The following IKBKE variants were observed in gnomAD, a reference collection of about 807,000 sequenced individuals.
IKBKE encodes inhibitor of nuclear factor kappa B kinase subunit epsilon.
IKBKE carries 45 observed loss-of-function variants against 92.1 expected under a neutral mutation model. The observed-to-expected ratio is 0.49, with a 90% CI of 0.38 to 0.63. The LOEUF is 0.63. Among genes scored for constraint, IKBKE ranks in the 20% least tolerant of loss-of-function variants. IKBKE has a pLI of 0.00. For synonymous variants in IKBKE, 374 were observed against 380.3 expected (o/e 0.98, Z 0.19); for missense variants, 700 against 932.8 (o/e 0.75, Z 3.25).
At position 206,487,190 on chromosome 1, in the gene IKBKE, T is replaced by C. The variant is rs936550185; in HGVS notation, c.1617-724T>C. On this transcript the variant is annotated intron_variant, in intron 15 of 21. Coordinates refer to ENST00000581977, the MANE Select transcript of IKBKE (RefSeq NM_014002.4). The surrounding 1 kb of genome is among the most constrained non-coding windows in gnomAD (Gnocchi z 5.3). Reference sequence around the variant, plus strand: ...ACTTGGAGGTGCTGCAGGGAGGAAGTGGAGCTACATAGGCCTGTGGGTGAG... The same window carrying C: ...ACTTGGAGGTGCTGCAGGGAGGAAGCGGAGCTACATAGGCCTGTGGGTGAG... 2.0e-5 allele frequency among the ~76,000 whole-genome samples: 3 copies of C among 152,124 alleles called. No homozygotes were observed. Among genetic ancestry groups the C allele is most frequent in the Non-Finnish European group, 2.9e-5 (2 of 68,016 alleles).
intron 1 of IKBKE, among the ~76,000 whole-genome samples, 168 bp from the exon 2 acceptor site, chr1:206,470,988 G>C (rs745795458): frequency 1.5e-4 from 23 of 152,338 alleles, no homozygotes; most frequent in Admixed American, 3.9e-4. Context: ...GCTGGGAAAG[G>C]CTCCCTGAAC....
In IKBKE at chr1:206,480,526, A is replaced by G; in HGVS notation, c.1420A>G (p.Thr474Ala). The stretch of plus-strand genomic sequence containing the variant: ...CCTCTACCTCAGCAGCAGCCTGGGA[A>G]CTGAGAGGTGGGTGTTCGCCTCAGG... Reference protein sequence around the residue: ...SLLYLSSSLGTERFSSVAGTP... With the variant: ...SLLYLSSSLGAERFSSVAGTP... Residue 474 changes from threonine to alanine, a missense_variant, in exon 13 of 22, where the codon ACT (threonine) becomes GCT (alanine). Physicochemically the swap from Thr to Ala is moderately conservative, Grantham distance 58. Coordinates refer to ENST00000581977, the MANE Select transcript of IKBKE (RefSeq NM_014002.4). 2 of 1,612,838 alleles carry G rather than the reference A, an allele frequency of 1.2e-6. No individual in the cohort carries two copies. Among genetic ancestry groups the G allele is most frequent in the Non-Finnish European group, 8.5e-7 (1 of 1,179,234 alleles).
intron 16 of IKBKE, among the ~76,000 whole-genome samples, chr1:206,488,783 T>C (rs1277372275): frequency 1.3e-5 from 2 of 152,144 alleles, no homozygotes; most frequent in East Asian, 1.9e-4. Flanking sequence ...CACTGTCCAA[T>C]AGAAATATAA....
rs2103463376 is a variant in IKBKE, at chr1:206,480,132, T to G, written c.1340+19T>G. ...GGGTCATGTGAGTAATCATGAGGGC[T>G]GGGCACAGAGGGGGAGGCGGGCAGG... On this transcript the variant is annotated intron_variant, in intron 12 of 21. Transcript: ENST00000581977. 6.9e-7 allele frequency: 1 copy of G among 1,439,600 alleles called. No homozygotes were observed. The highest frequency in any genetic ancestry group is 9.2e-7 in the Non-Finnish European group (1 of 1,084,764). 89.2% of individuals were successfully genotyped at this position (1,439,600 alleles called of 1,614,324 possible).
chr1:206,479,922 C>T lies in IKBKE; in HGVS notation c.1236C>T (p.Tyr412=), dbSNP rs1553386537. The change falls in exon 11 of 22, where the codon TAC becomes TAT. Residue 412 remains tyrosine (Y), a synonymous_variant. Coordinates refer to ENST00000581977, the MANE Select transcript of IKBKE (RefSeq NM_014002.4). ...CCAAAGTGGACCTGCAGGCGGATTACAACACTGCCAAGGTGAGGGGCAACC... is the reference window on the plus strand; with the variant it reads ...CCAAAGTGGACCTGCAGGCGGATTATAACACTGCCAAGGTGAGGGGCAACC... The part of the protein sequence containing the change: ...FVPKVDLQAD[Y]NTAKGVLGAG... 2 of 1,613,712 alleles carry T rather than the reference C, an allele frequency of 1.2e-6. No homozygotes were observed. The highest frequency in any genetic ancestry group is 1.7e-5 in the Admixed American group (1 of 59,958).
chr1:206,479,179 C>T, intron 10 of IKBKE, 46 bp downstream of exon 10: 1 of 1,473,340 alleles, frequency 6.8e-7, no homozygotes, highest in South Asian at 1.3e-5. Flanking sequence ...CCCACATTTT[C>T]CTCTGAGACA....
chr1:206,488,912 G>A lies in IKBKE; in HGVS notation c.1693+922G>A, dbSNP rs140990773. On this transcript the variant is annotated intron_variant, in intron 16 of 21. Coordinates refer to ENST00000581977, the MANE Select transcript of IKBKE (RefSeq NM_014002.4). ...CCAATATATCCAGTGTCATTTTAGC[G>A]TGTAATCAATATAAACAAAATCACT... is the stretch of plus-strand genomic sequence containing the variant. Among the ~76,000 whole-genome samples the A allele has an allele frequency of 4.6e-4, 70 of 152,136 alleles. No individual in the cohort carries two copies. In the East Asian group the frequency reaches 6.4e-3, roughly 14 times the overall value.
chr1:206,492,370 T>A (rs1175588098), intron 18 of IKBKE: 1 of 448,632 alleles, frequency 2.2e-6, no homozygotes, highest in Non-Finnish European at 4.7e-6. Context: ...GCTACCACAT[T>A]CTGAGGCCTG....
chr1:206,475,206 G>A (rs1447129814), intron 5 of IKBKE: 2 of 547,878 alleles, frequency 3.7e-6, no homozygotes, highest in Non-Finnish European at 6.3e-6. Flanking sequence ...AAAACAAAAT[G>A]TGGGAGGTAC....
At position 206,493,309 on chromosome 1, in the gene IKBKE, A is replaced by G. The variant is rs781927351; in HGVS notation, c.1976A>G (p.Lys659Arg). The G allele has an allele frequency of 1.9e-6, 3 of 1,614,052 alleles. No individual in the cohort carries two copies. The highest frequency in any genetic ancestry group is 2.5e-6 in the Non-Finnish European group (3 of 1,180,008). Residue 659 changes from lysine (K) to arginine (R), a missense_variant, in exon 20 of 22, where the codon AAG becomes AGG. Coordinates refer to ENST00000581977, the MANE Select transcript of IKBKE (RefSeq NM_014002.4). ...CACCAGCTCCTTCAGGACCGAGCAA[A>G]GGGGGCTCAGGCCTCGCCGCCTCCC... ...LSHQLLQDRA[K>R]GAQASPPPIA... is the part of the protein sequence containing the mutation.
At position 206,474,895 on chromosome 1, in the gene IKBKE, G is replaced by A; in HGVS notation, c.259G>A (p.Glu87Lys). Residue 87 changes from glutamate (E) to lysine (K), a missense_variant, in exon 5 of 22, where the codon GAG (glutamate) becomes AAG (lysine). Glu to Lys is a moderately conservative substitution (Grantham distance 56). Coordinates refer to ENST00000581977, the MANE Select transcript of IKBKE (RefSeq NM_014002.4). ...AAGCCGGCAGAAGGTACTGGTGATGGAGTACTGCTCCAGTGGGAGCCTGCT... is the reference window on the plus strand; with the variant it reads ...AAGCCGGCAGAAGGTACTGGTGATGAAGTACTGCTCCAGTGGGAGCCTGCT... ...GGSRQKVLVM[E>K]YCSSGSLLSV... The A allele has an allele frequency of 6.2e-7, 1 of 1,614,104 alleles. No homozygotes were observed. The highest frequency in any genetic ancestry group is 8.5e-7 in the Non-Finnish European group (1 of 1,180,016).
rs532156802 is a variant in IKBKE at position 206,479,549 on chromosome 1, A to C, written c.1184-321A>C. ...TCTAGCAAAAATGTCCTTTCTTCTC[A>C]CTTGAACAGTGCAAGTTTTATCCTC... On this transcript the variant is annotated intron_variant, in intron 10 of 21. Coordinates refer to ENST00000581977, the MANE Select transcript of IKBKE (RefSeq NM_014002.4). Among the ~76,000 whole-genome samples, 3 of 152,314 alleles carry C rather than the reference A, an allele frequency of 2.0e-5. No homozygotes were observed. In the East Asian group the frequency reaches 5.8e-4, roughly 29 times the overall value.
intron 15 of IKBKE, among the ~76,000 whole-genome samples, chr1:206,486,975 C>T (rs541782320): frequency 6.6e-6 from 1 of 151,186 alleles, no homozygotes; most frequent in African/African-American, 2.4e-5. Flanking sequence ...TGAGCCCTGT[C>T]CTTTTGGATG....
chr1:206,483,664 A>T (rs1665511606), intron 13 of IKBKE, among the ~76,000 whole-genome samples: 1 of 152,254 alleles, frequency 6.6e-6, no homozygotes, highest in South Asian at 2.1e-4. Context: ...TAGAAAACAG[A>T]GATAAGCAAA....
rs1014937719 is a variant in IKBKE, at chr1:206,477,601, G to A, written c.702-148G>A. On this transcript the variant is annotated intron_variant, in intron 7 of 21. Transcript: ENST00000581977. ...TGAGGCAAGGCGCTCTCACAGCTGA[G>A]AGCCAGGTTTCTCACACTCCATCTG... 2.1e-5 allele frequency: 13 copies of A among 606,084 alleles called. No homozygotes were observed. In the Admixed American group the frequency reaches 3.9e-4, roughly 18 times the overall value. 37.5% of individuals were successfully genotyped at this position (606,084 alleles called of 1,614,324 possible). A position where few individuals can be genotyped will look rare whatever the true frequency, so the allele number is the denominator to read the frequency against.
At position 206,476,591 on chromosome 1, in the gene IKBKE, C is replaced by T. The variant is rs1665075968; in HGVS notation, c.541-87C>T. 6.7e-7 allele frequency: 1 copy of T among 1,492,170 alleles called. No individual in the cohort carries two copies. 92.4% of individuals were successfully genotyped at this position (1,492,170 alleles called of 1,614,324 possible). ...AAGGATTTGAACAGTTCTGTTTTCACCTGCAGGCGGTGAAAGGGGGTCTGA... is the reference window on the plus strand; with the variant it reads ...AAGGATTTGAACAGTTCTGTTTTCATCTGCAGGCGGTGAAAGGGGGTCTGA... On this transcript the variant is annotated intron_variant, in intron 6 of 21. Transcript: ENST00000581977. This position sits in a 1 kb window ranked among gnomAD's most constrained non-coding sequence, Gnocchi z 5.1.
Position 206,493,940 on chromosome 1 carries a change from G to C in IKBKE, c.2066G>C (p.Gly689Ala), listed in dbSNP as rs1666086434. Reference protein sequence around the residue: ...LLLHMQELCEGMKLLASDLLD... With the variant: ...LLLHMQELCEAMKLLASDLLD... ...GGCAGCATGCAAGAGCTCTGCGAGG[G>C]GATGAAGCTGCTGGCATCTGACCTC... is the stretch of plus-strand genomic sequence containing the variant. Residue 689 changes from glycine to alanine, a missense_variant, in exon 21 of 22, where the codon GGG becomes GCG. Gly to Ala is a moderately conservative substitution (Grantham distance 60). Coordinates refer to ENST00000581977, the MANE Select transcript of IKBKE (RefSeq NM_014002.4). 1 of 1,613,988 alleles carries C rather than the reference G, an allele frequency of 6.2e-7. No homozygotes were observed. The highest frequency in any genetic ancestry group is 1.7e-5 in the Admixed American group (1 of 60,012).
intron 21 of IKBKE, 33 bp from the exon 22 acceptor site, chr1:206,496,079 G>C (rs781841041): frequency 6.2e-7 from 1 of 1,601,784 alleles, no homozygotes; most frequent in South Asian, 1.1e-5. Context: ...TCTCCAACAG[G>C]TGGGCACTGC....
At chr1:206,481,572 C>G (rs1373382915) in intron 13 of IKBKE, among the ~76,000 whole-genome samples, 12 of 152,092 alleles carry the variant, frequency 7.9e-5, no homozygotes, top group Admixed American at 7.9e-4. Flanking sequence ...AAGTGAATCT[C>G]CTTTGAGCAG....
Sources: gnomAD v4.1 joint callset for allele counts (sites outside exome capture counted in the v4.1 genomes callset) on GRCh38, gnomAD v4.1.1 for gene constraint, Gnocchi (gnomAD v3.1) non-coding constraint, MANE v1.5 for transcripts, NCBI Gene and HGNC (gene_info 2026-07-23, HGNC 2026-07-21) for gene names.